CA4: variants seen among roughly 807,000 people sequenced by gnomAD.
The protein encoded by CA4 is CA-IV.
CA4 carries 24 observed loss-of-function variants against 34.5 expected under a neutral mutation model. That is an observed-to-expected ratio of 0.70 (90% CI 0.50 to 0.98). CA4 has a LOEUF of 0.98. Ranked by LOEUF, CA4 falls within the 50% of genes least tolerant of loss-of-function variation. The pLI, the probability that CA4 is intolerant of heterozygous loss-of-function variation, is 0.00. For missense variants in CA4, 394 were observed against 396.7 expected (o/e 0.99, Z 0.06); for synonymous variants, 178 against 170.6 (o/e 1.04, Z -0.34).
Position 60,157,475 on chromosome 17 carries a change from C to T in CA4, c.317C>T (p.Pro106Leu), listed in dbSNP as rs1289748430. ...GCCAGCATTTCTGGAGGAGGACTGC[C>T]TGCCCCATACCAGGCCAAACAGTTG... ...NKASISGGGL[P>L]APYQAKQLHL... Residue 106 changes from proline to leucine, a missense_variant, in exon 4 of 8, where the codon CCT (proline) becomes CTT (leucine). Coordinates refer to ENST00000300900, the MANE Select transcript of CA4 (RefSeq NM_000717.5). 1 of 1,614,168 alleles carries T rather than the reference C, an allele frequency of 6.2e-7. No individual in the cohort carries two copies. Among genetic ancestry groups the T allele is most frequent in the Non-Finnish European group, 8.5e-7 (1 of 1,179,994 alleles).
At chr17:60,160,473 A>T (rs1371561173), downstream of CA4, among the ~76,000 whole-genome samples, 1 of 152,124 alleles carries the variant, frequency 6.6e-6, no homozygotes, top group Non-Finnish European at 1.5e-5. Flanking sequence ...AAGAGAATTC[A>T]GGGCAGGGGG....
downstream of CA4, among the ~76,000 whole-genome samples, chr17:60,174,475 C>CT (rs2083939726): frequency 6.6e-6 from 1 of 151,552 alleles, no homozygotes; most frequent in Non-Finnish European, 1.5e-5. Context: ...CACATGGAGC[C>CT]TTTAGATGGG....
chr17:60,164,458 C>T (rs368216031), downstream of CA4, among the ~76,000 whole-genome samples: 3 of 151,828 alleles, frequency 2.0e-5, no homozygotes, highest in East Asian at 5.8e-4. Context: ...GGCACGTTTT[C>T]GGCTCACTGC....
chr17:60,174,159 G>A (rs935045505), downstream of CA4, among the ~76,000 whole-genome samples: 4 of 151,530 alleles, frequency 2.6e-5, no homozygotes, highest in Non-Finnish European at 5.9e-5. Context: ...TTCACTGGGC[G>A]TTAGAAATCT....
intron 3 of CA4, chr17:60,157,009 T>C: frequency 1.9e-6 from 1 of 535,006 alleles, no homozygotes. Context: ...TGCCAGGAGC[T>C]CTGTGTGGAG....
At chr17:60,151,149 C>T (rs923938936) in intron 1 of CA4, among the ~76,000 whole-genome samples, 1 of 152,164 alleles carries the variant, frequency 6.6e-6, no homozygotes, top group African/African-American at 2.4e-5. Context: ...CTTTGCAACC[C>T]CAGACCCCAT....
At chr17:60,154,978 C>T (rs908574262) in intron 1 of CA4, among the ~76,000 whole-genome samples, 5 of 152,134 alleles carry the variant, frequency 3.3e-5, no homozygotes, top group African/African-American at 7.2e-5. Context: ...GGGAGGTAAG[C>T]GCGGAGGAGG....
downstream of CA4, among the ~76,000 whole-genome samples, chr17:60,162,867 C>G (rs142443970): frequency 3.2e-4 from 49 of 152,268 alleles, no homozygotes; most frequent in African/African-American, 1.2e-3. Flanking sequence ...TCCTTGGCTC[C>G]CCTGGCCGGC....
chr17:60,173,245 C>A (rs1407156476), downstream of CA4, among the ~76,000 whole-genome samples: 1 of 152,198 alleles, frequency 6.6e-6, no homozygotes, highest in Non-Finnish European at 1.5e-5. Context: ...TGGCAACTAT[C>A]CCAAGATACC....
intron 1 of CA4, among the ~76,000 whole-genome samples, chr17:60,151,680 C>T (rs528907873): frequency 1.3e-5 from 2 of 152,156 alleles, no homozygotes; most frequent in Non-Finnish European, 2.9e-5. Flanking sequence ...TTATGGGGCT[C>T]TCCCCCAAGC....
intron 1 of CA4, among the ~76,000 whole-genome samples, 189 bp from the exon 2 acceptor site, chr17:60,155,125 G>A (rs2083654699): frequency 6.6e-6 from 1 of 152,168 alleles, no homozygotes; most frequent in African/African-American, 2.4e-5. Flanking sequence ...CAGCTGACCT[G>A]TTGATCAGCC....
At position 60,157,897 on chromosome 17, in the gene CA4, C is replaced by A. The variant is rs2083720465; in HGVS notation, c.513+109C>A. On this transcript the variant is annotated intron_variant, in intron 5 of 7. Transcript: ENST00000300900. ...GCAGGAGGGGGCGGGGAGACTCCAA[C>A]TTCCGCCTCTGTTTCTGGGGTTGCA... 5 of 1,515,618 alleles carry A rather than the reference C, an allele frequency of 3.3e-6. No homozygotes were observed. The South Asian group carries it at 4.7e-5, about 14-fold the overall frequency. The allele number at this position is 1,515,618 out of a possible 1,614,324, so 93.9% of individuals were successfully genotyped here.
chr17:60,172,448 A>G (rs2083918890), downstream of CA4, among the ~76,000 whole-genome samples: 1 of 152,156 alleles, frequency 6.6e-6, no homozygotes, highest in Non-Finnish European at 1.5e-5. Flanking sequence ...GGTAAGGTCT[A>G]AAGTTTGTTA....
At chr17:60,168,565 T>A (rs1424678522) in intron 5 of CA4, among the ~76,000 whole-genome samples, 3 of 150,440 alleles carry the variant, frequency 2.0e-5, no homozygotes, top group Non-Finnish European at 4.4e-5. Flanking sequence ...TTTCTTTTTT[T>A]TTTTTCGGTG....
intron 5 of CA4, among the ~76,000 whole-genome samples, chr17:60,166,727 G>GTT (rs2083859350): frequency 6.6e-6 from 1 of 152,088 alleles, no homozygotes; most frequent in Admixed American, 6.5e-5. Context: ...AGGCCAAGGG[G>GTT]GGGGCGGATC....
At chr17:60,165,015 C>T (rs2083841014) in intron 5 of CA4, among the ~76,000 whole-genome samples, 1 of 152,124 alleles carries the variant, frequency 6.6e-6, no homozygotes, top group South Asian at 2.1e-4. Flanking sequence ...ACCTCATGGG[C>T]TTGTTGTCAA....
Position 60,159,238 on chromosome 17 carries a change from A to G in CA4, c.753A>G (p.Ala251=). 1.2e-6 allele frequency: 2 copies of G among 1,601,604 alleles called. No individual in the cohort carries two copies. Among genetic ancestry groups the G allele is most frequent in the Non-Finnish European group, 1.7e-6 (2 of 1,174,034 alleles). The change falls in exon 8 of 8, where the codon GCA becomes GCG. Residue 251 remains alanine, a synonymous_variant. Transcript: ENST00000300900. ...CCCCATCACTTCCGCAGATCCTGGC[A>G]TTCTCTCAGAAGCTGTACTACGACA... ...PIQLHREQIL[A]FSQKLYYDKE...
intron 1 of CA4, chr17:60,151,377 G>A (rs1205074521): frequency 6.6e-6 from 1 of 152,284 alleles, no homozygotes; most frequent in African/African-American, 2.4e-5. Flanking sequence ...GCACCTTGCA[G>A]CCTCTCCACC....
chr17:60,150,131 G>T, intron 1 of CA4, 39 bp downstream of exon 1: 1 of 1,529,198 alleles, frequency 6.5e-7, no homozygotes, highest in Non-Finnish European at 8.9e-7. Flanking sequence ...CCCCTCGGCG[G>T]TCCCCTCCGT....
Sources: gnomAD v4.1 joint callset for allele counts (sites outside exome capture counted in the v4.1 genomes callset) on GRCh38, gnomAD v4.1.1 for gene constraint, MANE v1.5 for transcripts, NCBI Gene and HGNC (gene_info 2026-07-23, HGNC 2026-07-21) for gene names.